The following CDH2 variants were observed in gnomAD, a reference collection of about 807,000 sequenced individuals.
CDH2 encodes the protein cadherin 2.
A neutral mutation model predicts 92.0 loss-of-function variants in CDH2; 17 were observed. The ratio of observed to expected loss-of-function variants is 0.18; its 90% confidence interval spans 0.13 to 0.28. The LOEUF (loss-of-function observed/expected upper bound fraction) is 0.28, where lower values mean the gene tolerates loss of function less well. Among genes scored for constraint, CDH2 ranks in the 10% least tolerant of loss-of-function variants. CDH2 has a pLI of 1.00. For synonymous variants in CDH2, 419 were observed against 415.9 expected (o/e 1.01, Z -0.09); for missense variants, 862 against 1,133.1 (o/e 0.76, Z 3.44).
chr18:28,107,235 T>C (rs994836447), intron 2 of CDH2, among the ~76,000 whole-genome samples: 1 of 151,812 alleles, frequency 6.6e-6, no homozygotes, highest in Admixed American at 6.6e-5. Flanking sequence ...ATTATTGTTA[T>C]GTAAAGAAAG....
At chr18:28,144,778 T>C (rs903789368) in intron 2 of CDH2, among the ~76,000 whole-genome samples, 41 of 152,200 alleles carry the variant, frequency 2.7e-4, no homozygotes, top group African/African-American at 8.2e-4. Context: ...TGATATTACA[T>C]TAAATGTTAA....
Position 28,163,325 on chromosome 18 carries a change from A to G in CDH2, c.60+13638T>C, listed in dbSNP as rs147252599. ...TGCATTAGCTGGTAATGATGAAAAC[A>G]TGCATACCTTGCAATCTAGCAATTC... On this transcript the variant is annotated intron_variant, in intron 1 of 15. Transcript: ENST00000269141. Among the ~76,000 whole-genome samples the G allele has an allele frequency of 1.3e-3, 203 of 152,352 alleles. 1 individual carries two copies. Among genetic ancestry groups the G allele is most frequent in the South Asian group, 3.7e-3 (18 of 4,830 alleles).
At chr18:28,101,272 T>A (rs1221907459) in intron 2 of CDH2, among the ~76,000 whole-genome samples, 1 of 152,160 alleles carries the variant, frequency 6.6e-6, no homozygotes, top group African/African-American at 2.4e-5. Context: ...AAGAGTATAG[T>A]ATTTCAGACC....
chr18:28,100,089 CAT>C (rs2015202563), intron 2 of CDH2, among the ~76,000 whole-genome samples: 1 of 152,144 alleles, frequency 6.6e-6, no homozygotes, highest in African/African-American at 2.4e-5. Context: ...ATAAACACCA[CAT>C]GTGACGGTTA....
intron 2 of CDH2, among the ~76,000 whole-genome samples, chr18:28,075,379 G>C (rs1226497805): frequency 6.6e-6 from 1 of 152,074 alleles, no homozygotes; most frequent in Non-Finnish European, 1.5e-5. Context: ...CCAGTTCTGT[G>C]CCCTAGCAAG....
chr18:28,025,852 AT>A (rs890917131), intron 2 of CDH2, among the ~76,000 whole-genome samples: 4 of 152,148 alleles, frequency 2.6e-5, no homozygotes, highest in Admixed American at 1.3e-4. Flanking sequence ...TTCAAATATT[AT>A]TTTAACTGTT....
intron 2 of CDH2, among the ~76,000 whole-genome samples, chr18:28,132,132 A>G (rs1392200058): frequency 6.6e-6 from 1 of 152,208 alleles, no homozygotes; most frequent in Non-Finnish European, 1.5e-5. Flanking sequence ...GGCCTTCGCC[A>G]TGTACACCAG....
intron 2 of CDH2, among the ~76,000 whole-genome samples, chr18:28,092,626 T>C (rs539171986): frequency 6.6e-6 from 1 of 151,896 alleles, no homozygotes; most frequent in East Asian, 1.9e-4. Flanking sequence ...TATTAACATA[T>C]ACTATTATTT....
chr18:28,060,999 A>G (rs952600967), intron 2 of CDH2, among the ~76,000 whole-genome samples: 4 of 152,190 alleles, frequency 2.6e-5, no homozygotes, highest in African/African-American at 9.7e-5. Context: ...TTCTTCCAAA[A>G]CTAGCACTAA....
At chr18:28,018,946 C>T (rs1334515112) in intron 2 of CDH2, among the ~76,000 whole-genome samples, 1 of 151,052 alleles carries the variant, frequency 6.6e-6, no homozygotes, top group Non-Finnish European at 1.5e-5. Flanking sequence ...TATATGCACA[C>T]CACGGGATAC....
intron 14 of CDH2, among the ~76,000 whole-genome samples, chr18:27,966,799 G>A (rs1426581286): frequency 6.6e-6 from 1 of 152,114 alleles, no homozygotes; most frequent in Non-Finnish European, 1.5e-5. Flanking sequence ...GAACCAGAGA[G>A]CAGGAAGAGT....
intron 1 of CDH2, among the ~76,000 whole-genome samples, chr18:28,172,751 G>A (rs2016483340): frequency 6.6e-6 from 1 of 152,032 alleles, no homozygotes; most frequent in Non-Finnish European, 1.5e-5. Flanking sequence ...TTGTATTTGA[G>A]CCAAAAGAAC....
downstream of CDH2, among the ~76,000 whole-genome samples, chr18:27,950,608 G>C (rs1322554117): frequency 6.6e-6 from 1 of 152,084 alleles, no homozygotes; most frequent in Non-Finnish European, 1.5e-5. Context: ...CCTTATGGTG[G>C]TGGCTCTAAT....
chr18:28,042,702 C>T (rs1357907337), intron 2 of CDH2, among the ~76,000 whole-genome samples: 1 of 152,098 alleles, frequency 6.6e-6, no homozygotes, highest in Non-Finnish European at 1.5e-5. Flanking sequence ...TCGATAAGAA[C>T]AAGTTACTAC....
intron 15 of CDH2, among the ~76,000 whole-genome samples, chr18:27,955,780 T>TTTTTTTTTTTTTTTTA: frequency 1.4e-5 from 2 of 143,124 alleles, no homozygotes; most frequent in Admixed American, 7.2e-5. Flanking sequence ...TTTTTTTTTT[T>TTTTTTTTTTTTTTTTA]AAAGAGGTTA....
intron 2 of CDH2, among the ~76,000 whole-genome samples, chr18:28,142,379 C>T (rs2015967902): frequency 6.6e-6 from 1 of 151,766 alleles, no homozygotes; most frequent in South Asian, 2.1e-4. Context: ...GCTTATCTTA[C>T]TTTGCTGCAC....
At chr18:28,011,708 C>T (rs2013105078) in intron 4 of CDH2, 138 bp downstream of exon 4, 1 of 793,842 alleles carries the variant, frequency 1.3e-6, no homozygotes, top group Non-Finnish European at 2.0e-6. Context: ...TACAACACTA[C>T]AGAAATTCTA....
intron 2 of CDH2, among the ~76,000 whole-genome samples, chr18:28,091,239 CAAAGGTGATA>C (rs1439489672): frequency 6.6e-6 from 1 of 152,162 alleles, no homozygotes; most frequent in Non-Finnish European, 1.5e-5. Context: ...AACTTGAGAG[CAAAGGTGATA>C]AAACTGTACT....
In CDH2 at chr18:28,013,719, C is replaced by G. The variant is rs374765506; in HGVS notation, c.363G>C (p.Leu121Phe). Residue 121 changes from leucine to phenylalanine, a missense_variant, in exon 3 of 16, where the codon TTG (leucine) becomes TTC (phenylalanine). By Grantham distance (22) the Leu-to-Phe change is conservative (BLOSUM62 0). Around this residue, in one of 5 missense-constraint regions of CDH2, gnomAD observed 159 missense variants for 177.2 expected, o/e 0.90. Transcript: ENST00000269141. ...TQEKWQVAVK[L>F]SLKPTLTEES... Reference sequence around the variant, plus strand: ...CCTCAGTTAAGGTTGGCTTCAGGCTCAATTTTACTGCCACTTGCCACTTTT... The same window carrying G: ...CCTCAGTTAAGGTTGGCTTCAGGCTGAATTTTACTGCCACTTGCCACTTTT... 9 of 1,613,930 alleles carry G rather than the reference C, an allele frequency of 5.6e-6. No individual in the cohort carries two copies. The South Asian group carries it at 8.8e-5, about 16-fold the overall frequency.
Sources: gnomAD v4.1 joint callset for allele counts (sites outside exome capture counted in the v4.1 genomes callset) on GRCh38, gnomAD v4.1.1 for gene constraint, gnomAD v4.1.1 regional missense constraint, MANE v1.5 for transcripts, NCBI Gene and HGNC (gene_info 2026-07-23, HGNC 2026-07-21) for gene names.